Variants in GPR65 observed in about 807,000 individuals in gnomAD.
The protein encoded by GPR65 is T-cell death-associated gene 8 protein.
In GPR65, 2 loss-of-function variants were observed where a neutral mutation model predicts 0.7. The ratio of observed to expected loss-of-function variants is 2.83; its 90% CI spans 1.16 to 8.92. The LOEUF (loss-of-function observed/expected upper bound fraction) is 8.92, where lower values mean the gene tolerates loss of function less well. Ranked by LOEUF, GPR65 falls within the 30% of genes most tolerant of loss-of-function variation. The pLI is 0.04. For synonymous variants in GPR65, 128 were observed against 146.5 expected, an observed-to-expected ratio of 0.87 and a Z score of 0.91; for missense variants, 379 against 399.4, an observed-to-expected ratio of 0.95 and a Z score of 0.43.
chr14:88,008,996 G>T (rs1887635958), intron 1 of GPR65, among the ~76,000 whole-genome samples: 1 of 152,108 alleles, frequency 6.6e-6, no homozygotes, highest in South Asian at 2.1e-4. Context: ...CAGAAACCAA[G>T]CAGAGGCAGG....
At position 88,011,976 on chromosome 14, in the gene GPR65, T is replaced by C. The variant is rs1595255803; in HGVS notation, c.*115T>C. The C allele has an allele frequency of 4.1e-6, 3 of 735,466 alleles. No individual in the cohort carries two copies. The East Asian group carries it at 7.8e-5, about 19-fold the overall frequency. 45.6% of individuals were successfully genotyped at this position (735,466 alleles called of 1,614,324 possible). A position where few individuals can be genotyped will look rare whatever the true frequency, so the allele number is the denominator to read the frequency against. On this transcript the variant is annotated 3_prime_UTR_variant, in exon 2 of 2. Coordinates refer to ENST00000267549, the MANE Select transcript of GPR65 (RefSeq NM_003608.4). Reference sequence around the variant, plus strand: ...AGGGGACTAAGTGTTCTCAGAGTGATGTTTTAATCCAGTCCAATAAAAATA... The same window carrying C: ...AGGGGACTAAGTGTTCTCAGAGTGACGTTTTAATCCAGTCCAATAAAAATA...
rs1165982919 is a variant in GPR65, at chr14:88,014,773, T to C, written c.*2912T>C. ...ATTCAATGTGAGAATAAAAATTCTA[T>C]ATTTTATTCTAGAATAAAATTATAA... On this transcript the variant is annotated 3_prime_UTR_variant, in exon 2 of 2. Transcript: ENST00000267549. 2 of 152,160 alleles carry C rather than the reference T, an allele frequency of 1.3e-5. No homozygotes were observed. The highest frequency in any genetic ancestry group is 4.8e-5 in the African/African-American group (2 of 41,456). The allele number at this position is 152,160 out of a possible 1,614,324, so 9.4% of individuals were successfully genotyped here. A position where few individuals can be genotyped will look rare whatever the true frequency, so the allele number is the denominator to read the frequency against.
In GPR65 at chr14:88,007,686, T is replaced by TTA. The variant is rs532337256; in HGVS notation, c.-460+2479_-460+2480dup. 4.2e-3 allele frequency among the ~76,000 whole-genome samples: 624 copies of TTA among 149,524 alleles called. 1 individual carries two copies. Among genetic ancestry groups the TTA allele is most frequent in the Non-Finnish European group, 7.0e-3 (468 of 67,296 alleles). ...ACATATTAAACATATTTTGTGTTTT[T>TTA]TATATATATATATATAAATTTTATC... On this transcript the variant is annotated intron_variant, in intron 1 of 1. Coordinates refer to ENST00000267549, the MANE Select transcript of GPR65 (RefSeq NM_003608.4).
intron 1 of GPR65, among the ~76,000 whole-genome samples, chr14:88,009,265 C>T (rs1317782416): frequency 3.3e-5 from 5 of 152,058 alleles, no homozygotes; most frequent in Admixed American, 1.3e-4. Context: ...TAACAGCTCC[C>T]ACCTCCTTTC....
chr14:88,008,428 T>TA (rs1013395349), intron 1 of GPR65, among the ~76,000 whole-genome samples: 5 of 152,202 alleles, frequency 3.3e-5, no homozygotes, highest in African/African-American at 1.2e-4. Flanking sequence ...TCTTTTTTTT[T>TA]ATCACTCAGA....
rs1262351651 is a variant in GPR65 at position 88,010,580 on chromosome 14, C to T, written c.-268C>T. ...CGTTCTGTGATAATGAACACATGGACTTCTGTTTATTAAATTCAGTTGACC... is the reference window on the plus strand; with the variant it reads ...CGTTCTGTGATAATGAACACATGGATTTCTGTTTATTAAATTCAGTTGACC... On this transcript the variant is annotated 5_prime_UTR_variant, in exon 2 of 2. Coordinates refer to ENST00000267549, the MANE Select transcript of GPR65 (RefSeq NM_003608.4). 2 of 377,288 alleles carry T rather than the reference C, an allele frequency of 5.3e-6. No homozygotes were observed. The highest frequency in any genetic ancestry group is 3.6e-5 in the South Asian group (1 of 27,626). 23.4% of individuals were successfully genotyped at this position (377,288 alleles called of 1,614,324 possible).
Position 88,013,661 on chromosome 14 carries a change from G to A in GPR65, c.*1800G>A, listed in dbSNP as rs1374355869. On this transcript the variant is annotated 3_prime_UTR_variant, in exon 2 of 2. Transcript: ENST00000267549. ...GTGGGCAGATCGCCTTAGGTCAGGA[G>A]TTGGAGACCAGGCTGACCAATATGA... 1.3e-5 allele frequency: 2 copies of A among 152,102 alleles called. No homozygotes were observed. The allele number at this position is 152,102 out of a possible 1,614,324, so 9.4% of individuals were successfully genotyped here.
Position 88,011,647 on chromosome 14 carries a change from G to T in GPR65, c.800G>T (p.Arg267Leu), listed in dbSNP as rs771833245. 6.2e-7 allele frequency: 1 copy of T among 1,613,830 alleles called. No homozygotes were observed. Among genetic ancestry groups the T allele is most frequent in the Non-Finnish European group, 8.5e-7 (1 of 1,179,788 alleles). Residue 267 changes from arginine to leucine, a missense_variant, in exon 2 of 2, where the codon CGA becomes CTA. Transcript: ENST00000267549. ...NFEDHSNSGK[R>L]TYTMYRITVA... ...GAAGACCACAGCAATTCTGGGAAGCGAACTTACACAATGTATAGAATCACG... is the reference window on the plus strand; with the variant it reads ...GAAGACCACAGCAATTCTGGGAAGCTAACTTACACAATGTATAGAATCACG...
Position 88,014,542 on chromosome 14 carries a change from C to T in GPR65, c.*2681C>T, listed in dbSNP as rs1159539633. 1 of 152,150 alleles carries T rather than the reference C, an allele frequency of 6.6e-6. No homozygotes were observed. Among genetic ancestry groups the T allele is most frequent in the East Asian group, 1.9e-4 (1 of 5,194 alleles). The allele number at this position is 152,150 out of a possible 1,614,324, so 9.4% of individuals were successfully genotyped here. Reference sequence around the variant, plus strand: ...AGTAATACAATCATGTTCTAATTTACTAGCATTTGCATATTTTAGAAATAT... The same window carrying T: ...AGTAATACAATCATGTTCTAATTTATTAGCATTTGCATATTTTAGAAATAT... On this transcript the variant is annotated 3_prime_UTR_variant, in exon 2 of 2. Coordinates refer to ENST00000267549, the MANE Select transcript of GPR65 (RefSeq NM_003608.4).
At position 88,012,793 on chromosome 14, in the gene GPR65, G is replaced by A. The variant is rs982709180; in HGVS notation, c.*932G>A. ...TTCCATAAACTAGGTTTTGAGTTAA[G>A]TACTGGGGCTATGAAAGAAATGGTC... On this transcript the variant is annotated 3_prime_UTR_variant, in exon 2 of 2. Coordinates refer to ENST00000267549, the MANE Select transcript of GPR65 (RefSeq NM_003608.4). 2.0e-5 allele frequency: 3 copies of A among 152,072 alleles called. No homozygotes were observed. Among genetic ancestry groups the A allele is most frequent in the African/African-American group, 4.8e-5 (2 of 41,384 alleles). The allele number at this position is 152,072 out of a possible 1,614,324, so 9.4% of individuals were successfully genotyped here. A position where few individuals can be genotyped will look rare whatever the true frequency, so the allele number is the denominator to read the frequency against.
In GPR65 at chr14:88,011,833, A is replaced by T. The variant is rs757720198; in HGVS notation, c.986A>T (p.Asp329Val). Residue 329 changes from aspartate (D) to valine (V), a missense_variant, in exon 2 of 2, where the codon GAT (aspartate) becomes GTT (valine). Asp to Val is a radical substitution (Grantham distance 152). Coordinates refer to ENST00000267549, the MANE Select transcript of GPR65 (RefSeq NM_003608.4). ...RKRILSVSTK[D>V]TMELEVLE ...CGCATACTTTCTGTGTCTACAAAAG[A>T]TACTATGGAATTAGAGGTCCTTGAG... The T allele has an allele frequency of 3.2e-6, 5 of 1,573,052 alleles. No individual in the cohort carries two copies. In the East Asian group the frequency reaches 6.8e-5, roughly 21 times the overall value.
rs373680239 is a variant in GPR65, at chr14:88,011,671, C to T, written c.824C>T (p.Thr275Met). The T allele has an allele frequency of 1.4e-5, 23 of 1,613,368 alleles. No individual in the cohort carries two copies. Among genetic ancestry groups the T allele is most frequent in the Admixed American group, 1.7e-5 (1 of 59,976 alleles). ...GKRTYTMYRI[T>M]VALTSLNCVA... ...CGAACTTACACAATGTATAGAATCACGGTTGCATTAACAAGTTTAAATTGT... is the reference window on the plus strand; with the variant it reads ...CGAACTTACACAATGTATAGAATCATGGTTGCATTAACAAGTTTAAATTGT... The change falls in exon 2 of 2, where the codon ACG becomes ATG. Residue 275 changes from threonine (T) to methionine (M), a missense_variant. Coordinates refer to ENST00000267549, the MANE Select transcript of GPR65 (RefSeq NM_003608.4).
intron 1 of GPR65, among the ~76,000 whole-genome samples, chr14:88,009,234 G>A (rs567505042): frequency 6.6e-5 from 10 of 151,936 alleles, no homozygotes; most frequent in Admixed American, 2.0e-4. Context: ...CCAGAGCTCC[G>A]GCGCTCACTC....
At chr14:88,005,995 G>A (rs1425254487) in intron 1 of GPR65, among the ~76,000 whole-genome samples, 1 of 152,104 alleles carries the variant, frequency 6.6e-6, no homozygotes, top group Non-Finnish European at 1.5e-5. Flanking sequence ...GAAAAGATAT[G>A]TGAATACTGT....
chr14:88,009,067 A>G lies in GPR65; in HGVS notation c.-459-1322A>G, dbSNP rs141480993. On this transcript the variant is annotated intron_variant, in intron 1 of 1. Transcript: ENST00000267549. ...CTGTGGAATTTATTTTATTTTGTTT[A>G]TTTTCTAGTTCACCCTTTCCCTGAC... Among the ~76,000 whole-genome samples, 309 of 152,058 alleles carry G rather than the reference A, an allele frequency of 2.0e-3. 1 individual carries two copies. The highest frequency in any genetic ancestry group is 7.1e-3 in the African/African-American group (294 of 41,486).
intron 1 of GPR65, among the ~76,000 whole-genome samples, chr14:88,007,893 AG>A (rs1252553808): frequency 6.6e-6 from 1 of 151,726 alleles, no homozygotes; most frequent in Non-Finnish European, 1.5e-5. Context: ...GACTTGTTCA[AG>A]GGGGGATCTG....
At position 88,010,380 on chromosome 14, in the gene GPR65, T is replaced by C. The variant is rs1887655332; in HGVS notation, c.-459-9T>C. Reference sequence around the variant, plus strand: ...CATCTAAACAATTTTAATTCATCTTTCATTACAGAAGGAAAGGAATTTTAA... The same window carrying C: ...CATCTAAACAATTTTAATTCATCTTCCATTACAGAAGGAAAGGAATTTTAA... On this transcript the variant is annotated splice_polypyrimidine_tract_variant and intron_variant, in intron 1 of 1. Transcript: ENST00000267549. 1 of 155,330 alleles carries C rather than the reference T, an allele frequency of 6.4e-6. No homozygotes were observed. Among genetic ancestry groups the C allele is most frequent in the Admixed American group, 6.3e-5 (1 of 15,808 alleles). The allele number at this position is 155,330 out of a possible 1,614,324, so 9.6% of individuals were successfully genotyped here. A position where few individuals can be genotyped will look rare whatever the true frequency, so the allele number is the denominator to read the frequency against.
Position 88,011,817 on chromosome 14 carries a change from T to C in GPR65, c.970T>C (p.Ser324Pro). 1 of 1,593,966 alleles carries C rather than the reference T, an allele frequency of 6.3e-7. No individual in the cohort carries two copies. Among genetic ancestry groups the C allele is most frequent in the South Asian group, 1.1e-5 (1 of 88,754 alleles). Residue 324 changes from serine to proline, a missense_variant, in exon 2 of 2, where the codon TCT becomes CCT. Coordinates refer to ENST00000267549, the MANE Select transcript of GPR65 (RefSeq NM_003608.4). ...TSQRQRKRILSVSTKDTMELE... is the reference protein window; with the variant it reads ...TSQRQRKRILPVSTKDTMELE... ...ACAAAGACAAAGAAAACGCATACTT[T>C]CTGTGTCTACAAAAGATACTATGGA...
chr14:88,011,410 C>T lies in GPR65; in HGVS notation c.563C>T (p.Thr188Met), dbSNP rs541031027. ...CAAATCAACCTCAACTTGTTCAGGA[C>T]GTGTACAGGCTATGCAATACCTTTG... ...KWQINLNLFRTCTGYAIPLVT... is the reference protein window; with the variant it reads ...KWQINLNLFRMCTGYAIPLVT... The change falls in exon 2 of 2, where the codon ACG becomes ATG. Residue 188 changes from threonine (T) to methionine (M), a missense_variant. Coordinates refer to ENST00000267549, the MANE Select transcript of GPR65 (RefSeq NM_003608.4). The T allele has an allele frequency of 1.9e-6, 3 of 1,613,820 alleles. No individual in the cohort carries two copies. Among genetic ancestry groups the T allele is most frequent in the African/African-American group, 2.7e-5 (2 of 75,022 alleles).
Sources: gnomAD v4.1 joint callset for allele counts (sites outside exome capture counted in the v4.1 genomes callset) on GRCh38, gnomAD v4.1.1 for gene constraint, MANE v1.5 for transcripts, NCBI Gene and HGNC (gene_info 2026-07-23, HGNC 2026-07-21) for gene names.